The following PGAP1 variants were observed in gnomAD, a reference collection of about 807,000 sequenced individuals.
PGAP1 encodes post-GPI attachment to proteins inositol deacylase 1.
In PGAP1, 76 loss-of-function variants were observed where a neutral mutation model predicts 127.0. The ratio of observed to expected loss-of-function variants is 0.60; its 90% CI spans 0.50 to 0.72. The LOEUF is 0.72. PGAP1 is among the 30% of genes least tolerant of loss of function. The pLI, the probability that PGAP1 is intolerant of heterozygous loss-of-function variation, is 0.00. For synonymous variants in PGAP1, 362 were observed against 366.5 expected (o/e 0.99, Z 0.14); for missense variants, 982 against 1,071.3 (o/e 0.92, Z 1.16).
intron 18 of PGAP1, 36 bp downstream of exon 18, chr2:196,872,405 A>T: frequency 7.0e-7 from 1 of 1,426,108 alleles, no homozygotes; most frequent in Non-Finnish European, 9.9e-7. Flanking sequence ...TTATTCTACA[A>T]CTAAATCTTA....
intron 7 of PGAP1, 51 bp downstream of exon 7, chr2:196,897,080 T>C (rs902834028): frequency 9.6e-6 from 10 of 1,045,742 alleles, no homozygotes; most frequent in South Asian, 1.5e-5. Context: ...GTAAATGATA[T>C]AGTAAAGTAA....
intron 1 of PGAP1, 99 bp downstream of exon 1, chr2:196,926,371 G>A: frequency 6.4e-7 from 1 of 1,560,350 alleles, no homozygotes; most frequent in Non-Finnish European, 8.7e-7. Context: ...GGGGGCCCGA[G>A]AGGCGCAGAG....
At chr2:196,857,970 C>T (rs1700940839) in intron 20 of PGAP1, among the ~76,000 whole-genome samples, 1 of 152,150 alleles carries the variant, frequency 6.6e-6, no homozygotes, top group South Asian at 2.1e-4. Flanking sequence ...CACTGCAGTG[C>T]CCTATTACAA....
At chr2:196,872,877 T>C in intron 17 of PGAP1, 83 bp downstream of exon 17, 2 of 642,098 alleles carry the variant, frequency 3.1e-6, no homozygotes, top group Non-Finnish European at 2.8e-6. Flanking sequence ...TTTTAATAAT[T>C]CATGATTTAA....
rs753237558 is a variant in PGAP1, at chr2:196,845,971, G to A, written c.2197C>T (p.Pro733Ser). 6.4e-5 allele frequency: 103 copies of A among 1,606,450 alleles called. No homozygotes were observed. Among genetic ancestry groups the A allele is most frequent in the Non-Finnish European group, 8.1e-5 (95 of 1,174,900 alleles). The change falls in exon 23 of 27, where the codon CCC (proline) becomes TCC (serine). Residue 733 changes from proline to serine, a missense_variant. Pro to Ser is a moderately conservative substitution (Grantham distance 74). Transcript: ENST00000354764. ...ATGATCAAGACAATTGTCAAAAAGGGCAAGTCTGGTGATATCATCTTGATA... is the reference window on the plus strand; with the variant it reads ...ATGATCAAGACAATTGTCAAAAAGGACAAGTCTGGTGATATCATCTTGATA... ...KDIKMISPDL[P>S]FLTIVLIIVS...
rs16858898 is a variant in PGAP1 at position 196,845,818 on chromosome 2, A to G, written c.2286+64T>C. ...GAATTTTTGTTAACAATGCCTACGG[A>G]ACATCCTACATGTATGTGCCTAATA... On this transcript the variant is annotated intron_variant, in intron 23 of 26. Transcript: ENST00000354764. The G allele has an allele frequency of 0.083, 115,751 of 1,389,258 alleles. 5,904 individuals are homozygous for G. The highest frequency in any genetic ancestry group is 0.21 in the African/African-American group (14,478 of 69,020). 86.1% of individuals were successfully genotyped at this position (1,389,258 alleles called of 1,614,324 possible).
In PGAP1 at chr2:196,926,513, T is replaced by C. The variant is rs149238260; in HGVS notation, c.104A>G (p.Asn35Ser). 4.3e-5 allele frequency: 70 copies of C among 1,614,034 alleles called. No individual in the cohort carries two copies. The African/African-American group carries it at 8.4e-4, about 19-fold the overall frequency. The change falls in exon 1 of 27, where the codon AAT becomes AGT. Residue 35 changes from asparagine (N) to serine (S), a missense_variant. Transcript: ENST00000354764. ...AAACATGTAGCTCATACTGCACTTA[T>C]TCTCCTCGAAGCCGAAGAAGACATC... ...LWDVFFGFEENKCSMSYMFEY... is the reference protein window; with the variant it reads ...LWDVFFGFEESKCSMSYMFEY...
At chr2:196,871,506 G>C (rs1055803657) in intron 18 of PGAP1, among the ~76,000 whole-genome samples, 2 of 152,130 alleles carry the variant, frequency 1.3e-5, no homozygotes, top group African/African-American at 4.8e-5. Flanking sequence ...GCAGTAGTTG[G>C]AGTCAAATTT....
chr2:196,877,565 C>T (rs1261772352), intron 13 of PGAP1: 1 of 152,086 alleles, frequency 6.6e-6, no homozygotes, highest in African/African-American at 2.4e-5. Context: ...CATTCAAAAC[C>T]AGCTTACCTG....
intron 1 of PGAP1, chr2:196,922,636 C>T (rs921827451): frequency 4.3e-6 from 2 of 470,404 alleles, no homozygotes; most frequent in Non-Finnish European, 5.5e-6. Flanking sequence ...AAGAGAGAGA[C>T]ATCCTTTAAA....
chr2:196,855,325 C>CAAAAAAAA, intron 20 of PGAP1, among the ~76,000 whole-genome samples: 1 of 67,158 alleles, frequency 1.5e-5, no homozygotes, highest in Non-Finnish European at 3.0e-5. Context: ...ACTCTGTCAC[C>CAAAAAAAA]AAAAAAAAAA....
chr2:196,925,281 A>G (rs1408733884), intron 1 of PGAP1, among the ~76,000 whole-genome samples: 1 of 152,244 alleles, frequency 6.6e-6, no homozygotes, highest in Non-Finnish European at 1.5e-5. Context: ...GATCAAAATA[A>G]TAGCAGCGTA....
intron 20 of PGAP1, among the ~76,000 whole-genome samples, chr2:196,853,731 G>A (rs1436489324): frequency 6.6e-6 from 1 of 151,988 alleles, no homozygotes; most frequent in East Asian, 1.9e-4. Flanking sequence ...TAATCTTAAA[G>A]CTTAGGATAA....
intron 4 of PGAP1, among the ~76,000 whole-genome samples, chr2:196,904,099 T>C (rs1012838391): frequency 3.3e-5 from 5 of 152,278 alleles, no homozygotes; most frequent in Middle Eastern, 3.4e-3. Flanking sequence ...ACCTGTTAAA[T>C]CAAATATATT....
intron 4 of PGAP1, among the ~76,000 whole-genome samples, chr2:196,904,725 A>C (rs1197514172): frequency 6.7e-6 from 1 of 148,294 alleles, no homozygotes; most frequent in Non-Finnish European, 1.5e-5. Flanking sequence ...TGACTGTCTC[A>C]AAAAAAAAAA....
chr2:196,852,279 C>T (rs1225571217), intron 20 of PGAP1, among the ~76,000 whole-genome samples: 1 of 151,934 alleles, frequency 6.6e-6, no homozygotes, highest in African/African-American at 2.4e-5. Flanking sequence ...CCAAAAATCC[C>T]CTAAGAAATT....
rs566591140 is a variant in PGAP1, at chr2:196,925,516, T to C, written c.147+954A>G. ...ATAAAAGAATCATTCGGAAAAATTC[T>C]CTTAGGACAGTTGTGTAATTTGTCT... On this transcript the variant is annotated intron_variant, in intron 1 of 26. Coordinates refer to ENST00000354764, the MANE Select transcript of PGAP1 (RefSeq NM_024989.4). 9.2e-5 allele frequency among the ~76,000 whole-genome samples: 14 copies of C among 152,344 alleles called. No homozygotes were observed. The East Asian group carries it at 1.9e-3, about 21-fold the overall frequency.
Position 196,913,030 on chromosome 2 carries a change from A to C in PGAP1, c.501T>G (p.Ser167Arg). 6.2e-7 allele frequency: 1 copy of C among 1,609,674 alleles called. No individual in the cohort carries two copies. The highest frequency in any genetic ancestry group is 1.7e-4 in the Middle Eastern group (1 of 6,036). Reference sequence around the variant, plus strand: ...CCATAGAATGACCAATTATTGCCACACTTTTTGGAGCAAATTCTTGACCCT... The same window carrying C: ...CCATAGAATGACCAATTATTGCCACCCTTTTTGGAGCAAATTCTTGACCCT... Reference protein sequence around the residue: ...LYKGQEFAPKSVAIIGHSMGG... With the variant: ...LYKGQEFAPKRVAIIGHSMGG... Residue 167 changes from serine (S) to arginine (R), a missense_variant, in exon 4 of 27, where the codon AGT (serine) becomes AGG (arginine). Physicochemically the swap from Ser to Arg is moderately radical, Grantham distance 110. Coordinates refer to ENST00000354764, the MANE Select transcript of PGAP1 (RefSeq NM_024989.4).
Position 196,865,092 on chromosome 2 carries a change from G to T in PGAP1, c.1768-12C>A, listed in dbSNP as rs1333587210. The T allele has an allele frequency of 6.9e-7, 1 of 1,443,172 alleles. No individual in the cohort carries two copies. The highest frequency in any genetic ancestry group is 2.5e-5 in the East Asian group (1 of 40,500). The allele number at this position is 1,443,172 out of a possible 1,614,324, so 89.4% of individuals were successfully genotyped here. A position where few individuals can be genotyped will look rare whatever the true frequency, so the allele number is the denominator to read the frequency against. ...TGAAATCTAACTACCTAAAAAACAG[G>T]TAAGTCAATGGGCAACTCCTGAATA... is the stretch of plus-strand genomic sequence containing the variant. On this transcript the variant is annotated splice_polypyrimidine_tract_variant and intron_variant, in intron 19 of 26. Transcript: ENST00000354764.
Sources: allele counts gnomAD v4.1 joint callset (sites outside exome capture counted in the v4.1 genomes callset), GRCh38; gene constraint gnomAD v4.1.1; transcripts MANE v1.5; gene names NCBI Gene and HGNC (gene_info 2026-07-23, HGNC 2026-07-21).